Variants in PTPRN2 observed in about 807,000 individuals in gnomAD.
PTPRN2 encodes receptor-type tyrosine-protein phosphatase N2.
PTPRN2 carries 74 observed loss-of-function variants against 118.8 expected under a neutral mutation model. That is an observed-to-expected ratio of 0.62 (90% CI 0.52 to 0.76). The LOEUF (loss-of-function observed/expected upper bound fraction) is 0.76. PTPRN2 is among the 30% of genes least tolerant of loss of function. The pLI, the probability that PTPRN2 is intolerant of heterozygous loss-of-function variation, is 0.00. For missense variants in PTPRN2, 1,481 were observed against 1,394.4 expected, an observed-to-expected ratio of 1.06 and a Z score of -0.99; for synonymous variants, 641 against 608.0, an observed-to-expected ratio of 1.05 and a Z score of -0.80.
intron 2 of PTPRN2, among the ~76,000 whole-genome samples, chr7:158,340,596 A>G (rs1292475094): frequency 1.0e-4 from 11 of 108,226 alleles, no homozygotes; most frequent in Admixed American, 1.8e-4. Flanking sequence ...GCCCGCAGAC[A>G]TCACTCACAC....
At chr7:158,232,879 C>G (rs1473227747) in intron 3 of PTPRN2, among the ~76,000 whole-genome samples, 1 of 152,086 alleles carries the variant, frequency 6.6e-6, no homozygotes, top group African/African-American at 2.4e-5. Flanking sequence ...ATTCAACATC[C>G]CTTTATGATA....
intron 19 of PTPRN2, 32 bp downstream of exon 19, chr7:157,576,581 G>A (rs774436919): frequency 5.7e-6 from 9 of 1,583,278 alleles, no homozygotes; most frequent in South Asian, 3.4e-5. Flanking sequence ...CGCTCAGCGC[G>A]CACTGCCCTG....
intron 13 of PTPRN2, among the ~76,000 whole-genome samples, chr7:157,680,357 TTA>T (rs1796861617): frequency 1.4e-5 from 2 of 144,862 alleles, no homozygotes; most frequent in Non-Finnish European, 1.6e-5. Flanking sequence ...GAAATTTGTT[TTA>T]TGTTTGCAAT....
chr7:157,807,825 A>C (rs1252307473), intron 12 of PTPRN2, among the ~76,000 whole-genome samples: 1 of 152,188 alleles, frequency 6.6e-6, no homozygotes, highest in Non-Finnish European at 1.5e-5. Flanking sequence ...CCAGGGCAGA[A>C]GCTGAGATCC....
rs981723784 is a variant in PTPRN2 at position 158,526,672 on chromosome 7, G to A, written c.113-36887C>T. ...GAGGTGATTTCAGTAAAACGAGGTCGCCGGATGGGCCCGGATCCAGGCTGA... is the reference window on the plus strand; with the variant it reads ...GAGGTGATTTCAGTAAAACGAGGTCACCGGATGGGCCCGGATCCAGGCTGA... On this transcript the variant is annotated intron_variant, in intron 1 of 22. Transcript: ENST00000389418. This position sits in a 1 kb window ranked among gnomAD's most constrained non-coding sequence, Gnocchi z 5.2. Among the ~76,000 whole-genome samples the A allele has an allele frequency of 1.3e-5, 2 of 152,100 alleles. No individual in the cohort carries two copies. Among genetic ancestry groups the A allele is most frequent in the African/African-American group, 2.4e-5 (1 of 41,418 alleles).
rs544793287 is a variant in PTPRN2 at position 157,986,800 on chromosome 7, T to C, written c.1724-88063A>G. On this transcript the variant is annotated intron_variant, in intron 11 of 22. Coordinates refer to ENST00000389418, the MANE Select transcript of PTPRN2 (RefSeq NM_002847.5). This position sits in a 1 kb window ranked among gnomAD's most constrained non-coding sequence, Gnocchi z 4.5. ...GGAAGTAACTGGGCAGAGGAGACAT[T>C]TTGGAGCAGGTGGTCGGTGCCCACC... 6.6e-5 allele frequency among the ~76,000 whole-genome samples: 10 copies of C among 152,062 alleles called. No individual in the cohort carries two copies. Among genetic ancestry groups the C allele is most frequent in the Admixed American group, 6.5e-4 (10 of 15,288 alleles).
At chr7:157,877,708 A>G (rs1387126074) in intron 12 of PTPRN2, among the ~76,000 whole-genome samples, 2 of 151,990 alleles carry the variant, frequency 1.3e-5, no homozygotes, top group African/African-American at 4.8e-5. Context: ...GGAACAGCCA[A>G]CCCTCCCTGT....
rs118152720 is a variant in PTPRN2 at position 158,500,771 on chromosome 7, C to T, written c.113-10986G>A. ...GGCTGTTAAACGCCATCCAGCCCAACGGTTTTCGCTCTTAAGCCCCTGCAG... is the reference window on the plus strand; with the variant it reads ...GGCTGTTAAACGCCATCCAGCCCAATGGTTTTCGCTCTTAAGCCCCTGCAG... On this transcript the variant is annotated intron_variant, in intron 1 of 22. Transcript: ENST00000389418. Among the ~76,000 whole-genome samples the T allele has an allele frequency of 9.3e-4, 141 of 152,372 alleles. 1 individual carries two copies. Among genetic ancestry groups the T allele is most frequent in the Admixed American group, 2.5e-3 (38 of 15,308 alleles).
intron 2 of PTPRN2, among the ~76,000 whole-genome samples, chr7:158,400,908 C>T (rs1812892621): frequency 6.6e-6 from 1 of 152,102 alleles, no homozygotes; most frequent in African/African-American, 2.4e-5. Flanking sequence ...CCCGCATTCC[C>T]CCAGATCCTG....
intron 3 of PTPRN2, among the ~76,000 whole-genome samples, chr7:158,238,763 G>A (rs1246752275): frequency 6.6e-6 from 1 of 152,116 alleles, no homozygotes; most frequent in Admixed American, 6.5e-5. Flanking sequence ...ATTCAGTCCT[G>A]AGGGGCAGAC....
chr7:157,760,376 C>T (rs922111431), intron 12 of PTPRN2, among the ~76,000 whole-genome samples: 10 of 151,794 alleles, frequency 6.6e-5, no homozygotes, highest in South Asian at 2.1e-4. Flanking sequence ...GGTGTCCCCA[C>T]GTTCAGCTCT....
At chr7:158,413,109 ACCCTCCTCAGCTCCAGGACCCATCCAGCG>A (rs1814334437) in intron 2 of PTPRN2, among the ~76,000 whole-genome samples, 1 of 149,120 alleles carries the variant, frequency 6.7e-6, no homozygotes, top group African/African-American at 2.5e-5. Flanking sequence ...CCCATCCAGC[ACCCTCCTCAGCTCCAGGACCCATCCAGCG>A]CCCTCCTCAA....
intron 1 of PTPRN2, among the ~76,000 whole-genome samples, chr7:158,549,544 T>C (rs373442030): frequency 6.6e-6 from 1 of 152,250 alleles, no homozygotes; most frequent in East Asian, 1.9e-4. Flanking sequence ...GGCTTTGTCT[T>C]CTCCTTTGCA....
intron 13 of PTPRN2, among the ~76,000 whole-genome samples, chr7:157,657,529 A>G (rs1795611320): frequency 1.8e-5 from 1 of 55,132 alleles, no homozygotes. Context: ...AACCACACAC[A>G]TCACACATAT....
intron 2 of PTPRN2, among the ~76,000 whole-genome samples, chr7:158,415,088 TACTTCTCTGATGATAC>T (rs1248113102): frequency 4.0e-5 from 6 of 151,236 alleles, no homozygotes; most frequent in Non-Finnish European, 5.9e-5. Flanking sequence ...TACAACCAGC[TACTTCTCTGATGATAC>T]AACCAGCTAC....
At chr7:158,331,090 A>T (rs1309201768) in intron 2 of PTPRN2, among the ~76,000 whole-genome samples, 6 of 134,372 alleles carry the variant, frequency 4.5e-5, no homozygotes, top group Admixed American at 7.7e-5. Context: ...ATAAGAGCTG[A>T]TGCCCGCAGA....
chr7:157,941,523 G>A (rs1275574223), intron 11 of PTPRN2, among the ~76,000 whole-genome samples: 9 of 150,718 alleles, frequency 6.0e-5, no homozygotes, highest in Non-Finnish European at 1.5e-5. Context: ...CCATGACACT[G>A]CAAGCGATTC....
rs113100823 is a variant in PTPRN2, at chr7:158,297,058, C to T, written c.277+19761G>A. Among the ~76,000 whole-genome samples, 6 of 152,202 alleles carry T rather than the reference C, an allele frequency of 3.9e-5. No individual in the cohort carries two copies. In the South Asian group the frequency reaches 6.2e-4, roughly 16 times the overall value. On this transcript the variant is annotated intron_variant, in intron 3 of 22. Coordinates refer to ENST00000389418, the MANE Select transcript of PTPRN2 (RefSeq NM_002847.5). The stretch of plus-strand genomic sequence containing the variant: ...AGCATTCCATCCAAACACAAACGTG[C>T]GCCTTACTAGTTCCTCTGCTTCTGA...
chr7:158,495,282 G>A (rs752056616), intron 1 of PTPRN2, among the ~76,000 whole-genome samples: 5 of 152,140 alleles, frequency 3.3e-5, no homozygotes, highest in Non-Finnish European at 5.9e-5. Context: ...AGGAACGAAC[G>A]CATCATCATA....
Sources: gnomAD v4.1 joint callset for allele counts (sites outside exome capture counted in the v4.1 genomes callset) on GRCh38, gnomAD v4.1.1 for gene constraint, Gnocchi (gnomAD v3.1) non-coding constraint, MANE v1.5 for transcripts, NCBI Gene and HGNC (gene_info 2026-07-23, HGNC 2026-07-21) for gene names.